ULK4: variants seen among roughly 807,000 people sequenced by gnomAD.
The protein encoded by ULK4 is unc-51 like kinase 4.
A neutral mutation model predicts 160.6 loss-of-function variants in ULK4; 133 were observed. The observed-to-expected ratio is 0.83, with a 90% CI of 0.72 to 0.96. ULK4 has a LOEUF of 0.96. ULK4 is among the 40% of genes least tolerant of loss of function. The probability of loss-of-function intolerance (pLI) is 0.00; values close to 1 mark genes in which losing one functional copy is unlikely to be tolerated. For synonymous variants in ULK4, 534 were observed against 539.8 expected (o/e 0.99, Z 0.15); for missense variants, 1,580 against 1,499.5 (o/e 1.05, Z -0.89).
intron 18 of ULK4, among the ~76,000 whole-genome samples, chr3:41,831,812 T>C (rs2041599175): frequency 6.6e-6 from 1 of 152,254 alleles, no homozygotes; most frequent in South Asian, 2.1e-4. Flanking sequence ...AGGTTTTCTG[T>C]TCCTGTGTTA....
intron 32 of ULK4, among the ~76,000 whole-genome samples, chr3:41,511,313 A>G (rs562066414): frequency 6.3e-4 from 96 of 152,290 alleles, no homozygotes; most frequent in Non-Finnish European, 1.0e-3. Flanking sequence ...AATGAAATCA[A>G]AAAAACAAAA....
At position 41,324,526 on chromosome 3, in the gene ULK4, T is replaced by C. The variant is rs111468636; in HGVS notation, c.3678+73553A>G. The stretch of plus-strand genomic sequence containing the variant: ...AGTTAGTAAAAGCTCAAGAATCAGA[T>C]AAAACTACCATCAGGTAGAGAGGAT... On this transcript the variant is annotated intron_variant, in intron 35 of 36. Transcript: ENST00000301831. 2.9e-3 allele frequency among the ~76,000 whole-genome samples: 434 copies of C among 152,258 alleles called. 2 individuals carry two copies. The highest frequency in any genetic ancestry group is 1.0e-2 in the African/African-American group (414 of 41,552).
chr3:41,595,385 T>A (rs1487036593), intron 31 of ULK4, among the ~76,000 whole-genome samples: 1 of 152,200 alleles, frequency 6.6e-6, no homozygotes, highest in African/African-American at 2.4e-5. Context: ...GGCCAGCCTC[T>A]CGGGGCACTG....
chr3:41,786,250 T>C (rs1039211663), intron 21 of ULK4, among the ~76,000 whole-genome samples: 1 of 152,154 alleles, frequency 6.6e-6, no homozygotes, highest in African/African-American at 2.4e-5. Context: ...TCGACAAAAT[T>C]ACTCAACACA....
rs896631269 is a variant in ULK4 at position 41,411,520 on chromosome 3, G to A, written c.3493-13256C>T. On this transcript the variant is annotated intron_variant, in intron 34 of 36. Coordinates refer to ENST00000301831, the MANE Select transcript of ULK4 (RefSeq NM_017886.4). The stretch of plus-strand genomic sequence containing the variant: ...TCAGCTCACTGCAACCTCTGCCTCC[G>A]GGGTTCAAGTGATTCTCCTGCCTCA... Among the ~76,000 whole-genome samples the A allele has an allele frequency of 6.0e-5, 9 of 150,896 alleles. 1 individual carries two copies. Among genetic ancestry groups the A allele is most frequent in the Non-Finnish European group, 8.9e-5 (6 of 67,778 alleles).
intron 34 of ULK4, among the ~76,000 whole-genome samples, chr3:41,442,537 TAATG>T (rs1283344795): frequency 1.3e-5 from 2 of 152,218 alleles, no homozygotes; most frequent in African/African-American, 4.8e-5. Flanking sequence ...ATAATCTTAA[TAATG>T]AATGGAGAAA....
At chr3:41,753,381 G>C (rs577233264) in intron 22 of ULK4, among the ~76,000 whole-genome samples, 1 of 152,136 alleles carries the variant, frequency 6.6e-6, no homozygotes, top group Non-Finnish European at 1.5e-5. Flanking sequence ...ACCAGGCTCT[G>C]CTCAGTATTC....
At position 41,714,874 on chromosome 3, in the gene ULK4, C is replaced by T. The variant is rs556340699; in HGVS notation, c.2634+363G>A. On this transcript the variant is annotated intron_variant, in intron 25 of 36. Transcript: ENST00000301831. ...CTTTAAAAAAAAAAAAGAAACTGCA[C>T]ATGATTGGACAATATAAGCCGAAGT... is the stretch of plus-strand genomic sequence containing the variant. 3.5e-5 allele frequency among the ~76,000 whole-genome samples: 4 copies of T among 115,494 alleles called. No homozygotes were observed. In the South Asian group the frequency reaches 7.3e-4, roughly 21 times the overall value. 75.8% of individuals were successfully genotyped at this position (115,494 alleles called of 152,430 possible). A position where few individuals can be genotyped will look rare whatever the true frequency, so the allele number is the denominator to read the frequency against.
intron 35 of ULK4, among the ~76,000 whole-genome samples, chr3:41,365,070 T>A (rs1056610853): frequency 1.3e-5 from 2 of 152,176 alleles, no homozygotes; most frequent in African/African-American, 4.8e-5. Flanking sequence ...GTCATCTCCA[T>A]CACAAAAACT....
At chr3:41,385,333 C>A (rs1032087447) in intron 35 of ULK4, among the ~76,000 whole-genome samples, 1 of 151,876 alleles carries the variant, frequency 6.6e-6, no homozygotes, top group Non-Finnish European at 1.5e-5. Context: ...CTTGAAAGAG[C>A]AGAAGATGCT....
At chr3:41,915,689 T>C (rs963843479) in intron 8 of ULK4, among the ~76,000 whole-genome samples, 3 of 152,142 alleles carry the variant, frequency 2.0e-5, no homozygotes, top group African/African-American at 7.2e-5. Context: ...GATTTGGGAG[T>C]TATAAGAAAA....
intron 35 of ULK4, among the ~76,000 whole-genome samples, chr3:41,317,061 C>CTCTTTT (rs1170201981): frequency 1.1e-5 from 1 of 92,140 alleles, no homozygotes; most frequent in Non-Finnish European, 2.2e-5. Flanking sequence ...GCAATTACAT[C>CTCTTTT]TATTTTTTTT....
intron 32 of ULK4, among the ~76,000 whole-genome samples, chr3:41,486,147 T>C (rs2084522206): frequency 6.6e-6 from 1 of 152,140 alleles, no homozygotes; most frequent in Admixed American, 6.5e-5. Context: ...TGAATATCAG[T>C]CTTCCTATTA....
intron 32 of ULK4, among the ~76,000 whole-genome samples, chr3:41,558,952 TG>T (rs1277589468): frequency 3.6e-5 from 5 of 139,114 alleles, no homozygotes; most frequent in African/African-American, 1.2e-4. Context: ...TGTATACATG[TG>T]CCATGCTGGT....
At chr3:41,931,360 T>C (rs7612637) in intron 5 of ULK4, among the ~76,000 whole-genome samples, 1 of 150,658 alleles carries the variant, frequency 6.6e-6, no homozygotes, top group African/African-American at 2.4e-5. Flanking sequence ...AGGGATAGCA[T>C]TGGGAGGAAT....
At chr3:41,320,232 TACTC>T (rs1213413244) in intron 35 of ULK4, among the ~76,000 whole-genome samples, 1 of 152,118 alleles carries the variant, frequency 6.6e-6, no homozygotes, top group Non-Finnish European at 1.5e-5. Context: ...ATATATGAAG[TACTC>T]ACCTCTTCCT....
chr3:41,852,100 T>C (rs918676228), intron 17 of ULK4, among the ~76,000 whole-genome samples: 1 of 152,190 alleles, frequency 6.6e-6, no homozygotes, highest in Non-Finnish European at 1.5e-5. Flanking sequence ...CAGAGAATAC[T>C]ATAAATACCT....
intron 35 of ULK4, among the ~76,000 whole-genome samples, chr3:41,282,010 GACAA>G (rs1194263204): frequency 6.6e-6 from 1 of 152,036 alleles, no homozygotes; most frequent in Non-Finnish European, 1.5e-5. Context: ...ACCAATAACA[GACAA>G]ACAGAGAGCC....
intron 30 of ULK4, among the ~76,000 whole-genome samples, chr3:41,646,415 T>C (rs1398925378): frequency 6.6e-6 from 1 of 152,216 alleles, no homozygotes; most frequent in East Asian, 1.9e-4. Flanking sequence ...CAGCATTTGC[T>C]TGTCTGTAAA....
Sources: gnomAD v4.1 joint callset for allele counts (sites outside exome capture counted in the v4.1 genomes callset) on GRCh38, gnomAD v4.1.1 for gene constraint, MANE v1.5 for transcripts, NCBI Gene and HGNC (gene_info 2026-07-23, HGNC 2026-07-21) for gene names.